Variants in CLSTN2 observed in about 807,000 individuals in gnomAD.
CLSTN2 encodes calsyntenin-2.
Under a neutral mutation model 101.2 loss-of-function variants are expected in CLSTN2, and 48 were observed. The ratio of observed to expected loss-of-function variants is 0.47; its 90% CI spans 0.38 to 0.60. The LOEUF (loss-of-function observed/expected upper bound fraction) is 0.60, where lower values mean the gene tolerates loss of function less well. Among genes scored for constraint, CLSTN2 ranks in the 20% least tolerant of loss-of-function variants. The probability of loss-of-function intolerance (pLI) is 0.00; values close to 1 mark genes in which losing one functional copy is unlikely to be tolerated. For synonymous variants in CLSTN2, 481 were observed against 463.6 expected (o/e 1.04, Z -0.48); for missense variants, 1,160 against 1,238.2 (o/e 0.94, Z 0.95).
chr3:139,988,228 T>C (rs1411827820), intron 1 of CLSTN2, among the ~76,000 whole-genome samples: 1 of 152,226 alleles, frequency 6.6e-6, no homozygotes, highest in Non-Finnish European at 1.5e-5. Flanking sequence ...TCAAACATTT[T>C]TCTTTACTTT....
At chr3:140,078,962 A>G (rs1311872078) in intron 1 of CLSTN2, among the ~76,000 whole-genome samples, 2 of 152,212 alleles carry the variant, frequency 1.3e-5, no homozygotes, top group African/African-American at 2.4e-5. Context: ...CATAAGGAGG[A>G]TACCATGGAA....
At chr3:140,266,952 G>A (rs1326176958) in intron 2 of CLSTN2, among the ~76,000 whole-genome samples, 1 of 152,206 alleles carries the variant, frequency 6.6e-6, no homozygotes, top group Admixed American at 6.5e-5. Context: ...GGCTGAAATT[G>A]GCTCAGTAGA....
chr3:140,348,520 C>T (rs1477527380), intron 2 of CLSTN2, among the ~76,000 whole-genome samples: 2 of 152,112 alleles, frequency 1.3e-5, no homozygotes, highest in African/African-American at 2.4e-5. Flanking sequence ...GTCTGCTCTC[C>T]CAAGGGTATC....
intron 5 of CLSTN2, among the ~76,000 whole-genome samples, chr3:140,427,118 G>C (rs2088573271): frequency 7.0e-6 from 1 of 142,766 alleles, no homozygotes; most frequent in South Asian, 2.1e-4. Flanking sequence ...GGAGGTTGCA[G>C]TTAGCCAGTA....
At position 140,576,051 on chromosome 3, in the gene CLSTN2, T is replaced by C. The variant is rs1354091750; in HGVS notation, c.*9798T>C. 6.6e-6 allele frequency: 1 copy of C among 152,190 alleles called. No homozygotes were observed. Among genetic ancestry groups the C allele is most frequent in the African/African-American group, 2.4e-5 (1 of 41,434 alleles). 9.4% of individuals were successfully genotyped at this position (152,190 alleles called of 1,614,324 possible). A position where few individuals can be genotyped will look rare whatever the true frequency, so the allele number is the denominator to read the frequency against. On this transcript the variant is annotated 3_prime_UTR_variant, in exon 17 of 17. Coordinates refer to ENST00000458420, the MANE Select transcript of CLSTN2 (RefSeq NM_022131.3). The stretch of plus-strand genomic sequence containing the variant: ...ATTTGGAAATTGAAGACCCAGCTTA[T>C]CACTCCTTCATAGAGACTCAGTAGT...
At chr3:140,555,936 A>G (rs1482548779) in intron 10 of CLSTN2, among the ~76,000 whole-genome samples, 1 of 152,226 alleles carries the variant, frequency 6.6e-6, no homozygotes, top group Non-Finnish European at 1.5e-5. Flanking sequence ...CAGATGTGTA[A>G]GCAGCAGTTG....
At chr3:140,114,608 G>A (rs868396137) in intron 1 of CLSTN2, among the ~76,000 whole-genome samples, 9 of 152,124 alleles carry the variant, frequency 5.9e-5, no homozygotes, top group South Asian at 2.1e-4. Context: ...CAGAATGTAC[G>A]CATTCAAATT....
intron 2 of CLSTN2, among the ~76,000 whole-genome samples, chr3:140,201,735 C>A (rs751838863): frequency 4.6e-5 from 7 of 152,086 alleles, no homozygotes; most frequent in Non-Finnish European, 8.8e-5. Context: ...GCTTACATCA[C>A]AGCTGAGGTA....
At chr3:140,255,911 G>T (rs2086600142) in intron 2 of CLSTN2, among the ~76,000 whole-genome samples, 1 of 152,152 alleles carries the variant, frequency 6.6e-6, no homozygotes, top group Non-Finnish European at 1.5e-5. Flanking sequence ...TCTAGCACAA[G>T]CTTTGAGGAC....
chr3:140,519,733 C>A (rs1441983225), intron 8 of CLSTN2, among the ~76,000 whole-genome samples: 1 of 152,140 alleles, frequency 6.6e-6, no homozygotes, highest in Non-Finnish European at 1.5e-5. Flanking sequence ...CTTGGGAAGA[C>A]AGCATACTGA....
chr3:140,046,260 T>C (rs2107766119), intron 1 of CLSTN2, among the ~76,000 whole-genome samples: 1 of 152,336 alleles, frequency 6.6e-6, no homozygotes. Context: ...CCCTTTACCA[T>C]TATGTAATGG....
At position 140,494,665 on chromosome 3, in the gene CLSTN2, T is replaced by A. The variant is rs532549679; in HGVS notation, c.1344+27934T>A. On this transcript the variant is annotated intron_variant, in intron 8 of 16. Coordinates refer to ENST00000458420, the MANE Select transcript of CLSTN2 (RefSeq NM_022131.3). ...GTGTGTGTTGTGCCCCCTAATGTGT[T>A]GATGTGTTCTCGTCATTCAGCTCTG... 3.0e-4 allele frequency among the ~76,000 whole-genome samples: 45 copies of A among 152,268 alleles called. No homozygotes were observed. In the South Asian group the frequency reaches 3.9e-3, roughly 13 times the overall value.
chr3:140,161,460 C>A (rs749286951), intron 1 of CLSTN2, among the ~76,000 whole-genome samples: 2 of 152,086 alleles, frequency 1.3e-5, no homozygotes, highest in Non-Finnish European at 2.9e-5. Context: ...AAAAGATGCT[C>A]CCCTTCCTTT....
At chr3:140,304,170 T>C (rs921364525) in intron 2 of CLSTN2, among the ~76,000 whole-genome samples, 2 of 152,182 alleles carry the variant, frequency 1.3e-5, no homozygotes, top group African/African-American at 2.4e-5. Context: ...TTCTTTGAAT[T>C]TTCCGATAAC....
chr3:140,551,746 ATATTATTTACCTTG>A (rs1401088214), intron 10 of CLSTN2, among the ~76,000 whole-genome samples: 1 of 151,416 alleles, frequency 6.6e-6, no homozygotes, highest in Admixed American at 6.6e-5. Context: ...AAATAAATTG[ATATTATTTACCTTG>A]TAGTGATGTT....
chr3:139,976,168 T>C (rs1180349279), intron 1 of CLSTN2, among the ~76,000 whole-genome samples: 2 of 152,200 alleles, frequency 1.3e-5, no homozygotes, highest in Non-Finnish European at 2.9e-5. Context: ...GACTAGCCTG[T>C]AGATTATAGG....
chr3:140,325,810 C>T (rs145394471), intron 2 of CLSTN2, among the ~76,000 whole-genome samples: 10 of 152,272 alleles, frequency 6.6e-5, no homozygotes, highest in African/African-American at 1.9e-4. Context: ...TGTGAAGTCC[C>T]GTTCCAGCCA....
intron 7 of CLSTN2, among the ~76,000 whole-genome samples, chr3:140,461,908 G>GA (rs1217162837): frequency 6.0e-5 from 9 of 148,816 alleles, no homozygotes; most frequent in Non-Finnish European, 1.0e-4. Flanking sequence ...CTGACAGCAA[G>GA]AAAAAAATCT....
Position 140,403,715 on chromosome 3 carries a change from C to T in CLSTN2, c.319C>T (p.Arg107Cys), listed in dbSNP as rs150165907. Residue 107 changes from arginine (R) to cysteine (C), a missense_variant, in exon 3 of 17, where the codon CGT becomes TGT. Physicochemically the swap from Arg to Cys is radical, Grantham distance 180 (BLOSUM62 -3). Coordinates refer to ENST00000458420, the MANE Select transcript of CLSTN2 (RefSeq NM_022131.3). ...CAAGACATCAGGAGAGGGCCGGCTC[C>T]GTGCCAAGAGCCCCATTGACTGTGA... Reference protein sequence around the residue: ...LNKTSGEGRLRAKSPIDCELQ... With the variant: ...LNKTSGEGRLCAKSPIDCELQ... 2.0e-4 allele frequency: 315 copies of T among 1,614,138 alleles called. No individual in the cohort carries two copies. The South Asian group carries it at 2.5e-3, about 13-fold the overall frequency.
Sources: gnomAD v4.1 joint callset for allele counts (sites outside exome capture counted in the v4.1 genomes callset) on GRCh38, gnomAD v4.1.1 for gene constraint, MANE v1.5 for transcripts, NCBI Gene and HGNC (gene_info 2026-07-23, HGNC 2026-07-21) for gene names.